PPP2R1B: variants seen among roughly 807,000 people sequenced by gnomAD.
PPP2R1B encodes the protein protein phosphatase 2 scaffold subunit Abeta.
A neutral mutation model predicts 72.7 loss-of-function variants in PPP2R1B; 58 were observed. The observed-to-expected ratio is 0.80, with a 90% CI of 0.65 to 0.99. The LOEUF (loss-of-function observed/expected upper bound fraction) is 0.99. PPP2R1B is among the 50% of genes least tolerant of loss of function. The pLI is 0.00. For synonymous variants in PPP2R1B, 256 were observed against 264.6 expected, an observed-to-expected ratio of 0.97 and a Z score of 0.32; for missense variants, 695 against 733.6, an observed-to-expected ratio of 0.95 and a Z score of 0.61.
At chr11:111,735,304 T>C (rs1162628597), downstream of PPP2R1B, 2 of 152,246 alleles carry the variant, frequency 1.3e-5, no homozygotes, top group Non-Finnish European at 2.9e-5. Context: ...GGAGACTGAA[T>C]GTCCCTCACA....
At chr11:111,759,493 A>G (rs1216929953) in intron 5 of PPP2R1B, among the ~76,000 whole-genome samples, 1 of 152,200 alleles carries the variant, frequency 6.6e-6, no homozygotes, top group African/African-American at 2.4e-5. Context: ...TCATATTACA[A>G]TACAGCCAGC....
At chr11:111,692,676 T>C in the PPP2R1B span, among the ~76,000 whole-genome samples, 2 of 152,214 alleles carry the variant, frequency 1.3e-5, no homozygotes, top group African/African-American at 4.8e-5. Context: ...ATGGCCCTGA[T>C]TTTCTTTAAG....
chr11:111,764,167 T>C (rs1555052263), intron 3 of PPP2R1B, among the ~76,000 whole-genome samples: 1 of 152,146 alleles, frequency 6.6e-6, no homozygotes, highest in Admixed American at 6.5e-5. Flanking sequence ...CGGTAATTAT[T>C]TGCTGACACA....
intron 4 of PPP2R1B, 151 bp downstream of exon 4, chr11:111,760,668 A>G (rs1945291501): frequency 4.4e-6 from 3 of 682,682 alleles, no homozygotes; most frequent in Non-Finnish European, 4.9e-6. Flanking sequence ...AAAAAGAAAG[A>G]TGTCATAAAT....
At chr11:111,723,823 G>GCCACCACCCCCTCCA (rs760438071), downstream of PPP2R1B, 3 of 1,190,340 alleles carry the variant, frequency 2.5e-6, no homozygotes, top group Non-Finnish European at 3.5e-6. Flanking sequence ...AGCCGCCACC[G>GCCACCACCCCCTCCA]CCACCACCCC....
At position 111,743,437 on chromosome 11, in the gene PPP2R1B, A is replaced by G; in HGVS notation, c.1493T>C (p.Val498Ala). 6.2e-7 allele frequency: 1 copy of G among 1,613,500 alleles called. No homozygotes were observed. Among genetic ancestry groups the G allele is most frequent in the Non-Finnish European group, 8.5e-7 (1 of 1,179,492 alleles). Residue 498 changes from valine to alanine, a missense_variant, in exon 12 of 15, where the codon GTG becomes GCG. Coordinates refer to ENST00000527614, the MANE Select transcript of PPP2R1B (RefSeq NM_002716.5). ...ATTAGGATCATTTGCCATTACTAAC[A>G]CTTTGGGAACAATAGTATTTTGGGC... ...EWAQNTIVPKVLVMANDPNYL... is the reference protein window; with the variant it reads ...EWAQNTIVPKALVMANDPNYL...
chr11:111,758,400 G>A (rs782342867), intron 5 of PPP2R1B, among the ~76,000 whole-genome samples: 1 of 152,168 alleles, frequency 6.6e-6, no homozygotes, highest in Non-Finnish European at 1.5e-5. Flanking sequence ...GACCATCCTG[G>A]TCAACATGGT....
the PPP2R1B span, among the ~76,000 whole-genome samples, chr11:111,692,777 C>G: frequency 2.0e-5 from 3 of 151,792 alleles, no homozygotes; most frequent in East Asian, 5.8e-4. Context: ...TTACAAGAAC[C>G]CTTACAAAGT....
At position 111,766,353 on chromosome 11, in the gene PPP2R1B, G is replaced by T. The variant is rs558802167; in HGVS notation, c.9C>A (p.Gly3=). Reference sequence around the variant, plus strand: ...CTGGGCCGGTCCCGAGCTCTGATGCGCCCGCCATGTTCTTTCTCCTCCTGC... The same window carrying T: ...CTGGGCCGGTCCCGAGCTCTGATGCTCCCGCCATGTTCTTTCTCCTCCTGC... MA[G]ASELGTGPGA... Residue 3 remains glycine, a synonymous_variant, in exon 1 of 15, where the codon GGC becomes GGA. Coordinates refer to ENST00000527614, the MANE Select transcript of PPP2R1B (RefSeq NM_002716.5). The T allele has an allele frequency of 2.8e-6, 4 of 1,434,062 alleles. No homozygotes were observed. Among genetic ancestry groups the T allele is most frequent in the Admixed American group, 4.2e-5 (2 of 47,708 alleles). 88.8% of individuals were successfully genotyped at this position (1,434,062 alleles called of 1,614,324 possible).
intron 5 of PPP2R1B, 25 bp downstream of exon 5, chr11:111,759,779 C>T: frequency 6.3e-7 from 1 of 1,591,658 alleles, no homozygotes; most frequent in Non-Finnish European, 8.6e-7. Context: ...TATCTGTGTC[C>T]CTTAAATACT....
chr11:111,742,454 A>T, intron 13 of PPP2R1B, 69 bp downstream of exon 13: 1 of 1,494,950 alleles, frequency 6.7e-7, no homozygotes, highest in South Asian at 1.3e-5. Flanking sequence ...AATTTTAGCT[A>T]ATTACTCCCC....
chr11:111,738,446 CA>C lies in PPP2R1B; in HGVS notation c.*3149del. ...AGTTTAGTGACAACACAACAGTTAA[CA>C]AAGGAACAAAAGTGCACCAGGTTAA... On this transcript the variant is annotated 3_prime_UTR_variant, in exon 15 of 15. Coordinates refer to ENST00000527614, the MANE Select transcript of PPP2R1B (RefSeq NM_002716.5). 1.0e-6 allele frequency: 1 copy of C among 985,442 alleles called. No individual in the cohort carries two copies. The highest frequency in any genetic ancestry group is 1.2e-6 in the Non-Finnish European group (1 of 829,948). The allele number at this position is 985,442 out of a possible 1,614,324, so 61.0% of individuals were successfully genotyped here. A position where few individuals can be genotyped will look rare whatever the true frequency, so the allele number is the denominator to read the frequency against.
At chr11:111,700,595 T>G in the PPP2R1B span, among the ~76,000 whole-genome samples, 1 of 152,214 alleles carries the variant, frequency 6.6e-6, no homozygotes, top group African/African-American at 2.4e-5. Context: ...GTTGTCCACT[T>G]TAAGGCTGAT....
At chr11:111,758,667 T>C (rs891132949) in intron 5 of PPP2R1B, among the ~76,000 whole-genome samples, 1 of 152,108 alleles carries the variant, frequency 6.6e-6, no homozygotes, top group Non-Finnish European at 1.5e-5. Context: ...ATAATGTTAC[T>C]CTTAAGGAAA....
intron 15 of PPP2R1B, among the ~76,000 whole-genome samples, chr11:111,731,310 CAA>C (rs1295439370): frequency 6.6e-6 from 1 of 152,164 alleles, no homozygotes; most frequent in Non-Finnish European, 1.5e-5. Context: ...AGCTGCCAGG[CAA>C]AAGACACTGC....
the PPP2R1B span, among the ~76,000 whole-genome samples, chr11:111,708,034 A>T: frequency 1.2e-4 from 19 of 152,340 alleles, no homozygotes; most frequent in Middle Eastern, 0.014. Context: ...CTGTGGCTTC[A>T]GAAGTACCCT....
In PPP2R1B at chr11:111,739,112, A is replaced by G. The variant is rs988735530; in HGVS notation, c.*2484T>C. On this transcript the variant is annotated 3_prime_UTR_variant, in exon 15 of 15. Coordinates refer to ENST00000527614, the MANE Select transcript of PPP2R1B (RefSeq NM_002716.5). Reference sequence around the variant, plus strand: ...ATCTTTCTGTCAGTGGGAGAATAAGACACAGTCTGGTTCTTTTGATTATTT... The same window carrying G: ...ATCTTTCTGTCAGTGGGAGAATAAGGCACAGTCTGGTTCTTTTGATTATTT... 1.0e-6 allele frequency: 1 copy of G among 985,398 alleles called. No individual in the cohort carries two copies. The highest frequency in any genetic ancestry group is 1.2e-6 in the Non-Finnish European group (1 of 829,928). The allele number at this position is 985,398 out of a possible 1,614,324, so 61.0% of individuals were successfully genotyped here.
Position 111,738,472 on chromosome 11 carries a change from A to C in PPP2R1B, c.*3124T>G, listed in dbSNP as rs1591672491. The C allele has an allele frequency of 1.0e-6, 1 of 985,314 alleles. No homozygotes were observed. Among genetic ancestry groups the C allele is most frequent in the Non-Finnish European group, 1.2e-6 (1 of 829,936 alleles). 61.0% of individuals were successfully genotyped at this position (985,314 alleles called of 1,614,324 possible). A position where few individuals can be genotyped will look rare whatever the true frequency, so the allele number is the denominator to read the frequency against. ...AAAGGAACAAAAGTGCACCAGGTTAACCGCCGGGTCAGGAAGGACAGGCTT... is the reference window on the plus strand; with the variant it reads ...AAAGGAACAAAAGTGCACCAGGTTACCCGCCGGGTCAGGAAGGACAGGCTT... On this transcript the variant is annotated 3_prime_UTR_variant, in exon 15 of 15. Transcript: ENST00000527614.
intron 3 of PPP2R1B, among the ~76,000 whole-genome samples, chr11:111,763,107 G>A (rs782191410): frequency 2.0e-5 from 3 of 152,216 alleles, no homozygotes; most frequent in Non-Finnish European, 2.9e-5. Flanking sequence ...AAGTTGAGTG[G>A]TTGGGGAAAA....
Sources: gnomAD v4.1 joint callset for allele counts (sites outside exome capture counted in the v4.1 genomes callset) on GRCh38, gnomAD v4.1.1 for gene constraint, MANE v1.5 for transcripts, NCBI Gene and HGNC (gene_info 2026-07-23, HGNC 2026-07-21) for gene names.